The following STK39 variants were observed in gnomAD, a reference collection of about 807,000 sequenced individuals.
STK39 encodes STE20/SPS1-related proline-alanine-rich protein kinase.
A neutral mutation model predicts 77.8 loss-of-function variants in STK39; 20 were observed. That is an observed-to-expected ratio of 0.26 (90% confidence interval 0.18 to 0.37). The LOEUF (loss-of-function observed/expected upper bound fraction) is 0.37. Ranked by LOEUF, STK39 falls within the 10% of genes least tolerant of loss-of-function variation. The pLI is 1.00. For missense variants in STK39, 479 were observed against 656.5 expected, an observed-to-expected ratio of 0.73 and a Z score of 2.95; for synonymous variants, 246 against 234.1, an observed-to-expected ratio of 1.05 and a Z score of -0.47.
At chr2:168,231,067 C>G (rs1690441761) in intron 1 of STK39, among the ~76,000 whole-genome samples, 1 of 152,146 alleles carries the variant, frequency 6.6e-6, no homozygotes, top group Non-Finnish European at 1.5e-5. Flanking sequence ...AATCTCCAAC[C>G]AAGTCCTAGT....
At position 167,995,749 on chromosome 2, in the gene STK39, C is replaced by T. The variant is rs181917368; in HGVS notation, c.1498+16885G>A. 8.5e-5 allele frequency among the ~76,000 whole-genome samples: 13 copies of T among 152,266 alleles called. No homozygotes were observed. The East Asian group carries it at 9.7e-4, about 11-fold the overall frequency. ...AATTAAAGGAGAATGGATTTAGGCTCGGTATAAAGCCCTTCCAAGCAGTAA... is the reference window on the plus strand; with the variant it reads ...AATTAAAGGAGAATGGATTTAGGCTTGGTATAAAGCCCTTCCAAGCAGTAA... On this transcript the variant is annotated intron_variant, in intron 16 of 17. Transcript: ENST00000355999.
intron 16 of STK39, among the ~76,000 whole-genome samples, chr2:167,989,243 A>AT (rs1683638270): frequency 1.3e-5 from 2 of 152,170 alleles, no homozygotes; most frequent in Admixed American, 1.3e-4. Context: ...AATAAACTTC[A>AT]TTTTGTGAAT....
chr2:167,993,351 T>C (rs1244939131), intron 16 of STK39, among the ~76,000 whole-genome samples: 3 of 152,220 alleles, frequency 2.0e-5, no homozygotes, highest in Non-Finnish European at 4.4e-5. Context: ...GAAACTTTCT[T>C]GCTCCTTATT....
intron 5 of STK39, among the ~76,000 whole-genome samples, chr2:168,154,885 G>C (rs1258981141): frequency 2.6e-5 from 4 of 152,196 alleles, no homozygotes; most frequent in African/African-American, 7.2e-5. Flanking sequence ...TATACAAATG[G>C]AGGTTCTGGG....
intron 14 of STK39, among the ~76,000 whole-genome samples, chr2:168,017,838 G>GCA (rs1684454697): frequency 6.6e-6 from 1 of 151,954 alleles, no homozygotes; most frequent in Non-Finnish European, 1.5e-5. Flanking sequence ...AAATCATGTA[G>GCA]CACAACACCA....
At chr2:168,039,789 T>C (rs1685057488) in intron 14 of STK39, among the ~76,000 whole-genome samples, 1 of 152,212 alleles carries the variant, frequency 6.6e-6, no homozygotes, top group Admixed American at 6.5e-5. Flanking sequence ...ACTAAGTGGA[T>C]GCAATTTATT....
At chr2:168,034,286 G>A (rs1351114014) in intron 14 of STK39, among the ~76,000 whole-genome samples, 2 of 152,334 alleles carry the variant, frequency 1.3e-5, no homozygotes, top group African/African-American at 4.8e-5. Flanking sequence ...AATTGTCAGG[G>A]AGTGAAACAA....
At chr2:168,203,742 G>A (rs1689669226) in intron 1 of STK39, among the ~76,000 whole-genome samples, 1 of 152,206 alleles carries the variant, frequency 6.6e-6, no homozygotes, top group Admixed American at 6.5e-5. Flanking sequence ...ACAGGAGCCA[G>A]CCACCGTGCC....
chr2:168,064,908 T>C (rs563683733), intron 13 of STK39, among the ~76,000 whole-genome samples: 2 of 151,064 alleles, frequency 1.3e-5, no homozygotes, highest in South Asian at 4.2e-4. Flanking sequence ...GGACTATTAT[T>C]TTTACAAGGC....
At chr2:168,091,038 G>A (rs542329987) in intron 10 of STK39, among the ~76,000 whole-genome samples, 2 of 152,106 alleles carry the variant, frequency 1.3e-5, no homozygotes, top group African/African-American at 4.8e-5. Context: ...GAAGCAAACA[G>A]ACCCATGTTG....
intron 1 of STK39, among the ~76,000 whole-genome samples, chr2:168,192,218 A>G (rs1056017614): frequency 1.3e-5 from 2 of 152,114 alleles, no homozygotes; most frequent in African/African-American, 4.8e-5. Context: ...ACAGCTTAAC[A>G]GGGAAACAGC....
chr2:168,237,155 C>T (rs1690635271), intron 1 of STK39, among the ~76,000 whole-genome samples: 2 of 152,088 alleles, frequency 1.3e-5, no homozygotes, highest in South Asian at 4.1e-4. Context: ...TGAAGAGGTC[C>T]TTCACATCCC....
intron 5 of STK39, among the ~76,000 whole-genome samples, chr2:168,146,514 T>C (rs1210901145): frequency 6.6e-6 from 1 of 152,146 alleles, no homozygotes; most frequent in African/African-American, 2.4e-5. Flanking sequence ...TCTGGAGCAA[T>C]AGGAGCCCCC....
chr2:168,075,937 T>C (rs1241459606), intron 10 of STK39, among the ~76,000 whole-genome samples: 1 of 152,196 alleles, frequency 6.6e-6, no homozygotes, highest in African/African-American at 2.4e-5. Context: ...TTTCAAATTG[T>C]TTTGAGCTAG....
At chr2:168,096,679 T>C (rs1417668700) in intron 10 of STK39, among the ~76,000 whole-genome samples, 1 of 152,196 alleles carries the variant, frequency 6.6e-6, no homozygotes, top group African/African-American at 2.4e-5. Context: ...TTGAGATCAT[T>C]ATGTACTCTA....
chr2:168,115,903 G>A (rs189220861), intron 10 of STK39, among the ~76,000 whole-genome samples: 221 of 152,244 alleles, frequency 1.5e-3, no homozygotes, highest in African/African-American at 4.9e-3. Context: ...TAGACCATGC[G>A]AAGCACTGGA....
At chr2:167,972,523 CTTCAGGAATGAGTACT>C (rs1692377411) in intron 16 of STK39, among the ~76,000 whole-genome samples, 1 of 152,122 alleles carries the variant, frequency 6.6e-6, no homozygotes, top group Non-Finnish European at 1.5e-5. Context: ...CAATTCCTGG[CTTCAGGAATGAGTACT>C]TTCTGGCACC....
At chr2:168,177,422 C>T (rs1688981951) in intron 2 of STK39, among the ~76,000 whole-genome samples, 1 of 151,940 alleles carries the variant, frequency 6.6e-6, no homozygotes. Context: ...AATATGAGAA[C>T]TTGAGGCAAT....
At chr2:167,991,051 A>C (rs1683688370) in intron 16 of STK39, among the ~76,000 whole-genome samples, 1 of 152,210 alleles carries the variant, frequency 6.6e-6, no homozygotes, top group African/African-American at 2.4e-5. Flanking sequence ...CAGATTACCC[A>C]GTTGGGCAAA....
Sources: allele counts gnomAD v4.1 joint callset (sites outside exome capture counted in the v4.1 genomes callset), GRCh38; gene constraint gnomAD v4.1.1; transcripts MANE v1.5; gene names NCBI Gene and HGNC (gene_info 2026-07-23, HGNC 2026-07-21).